Variants in PCNX1 observed in about 807,000 individuals in gnomAD.
The protein encoded by PCNX1 is pecanex-like protein 1.
PCNX1 carries 78 observed loss-of-function variants against 242.2 expected under a neutral mutation model. The observed-to-expected ratio is 0.32, with a 90% CI of 0.27 to 0.39. PCNX1 has a LOEUF of 0.39. PCNX1 is among the 10% of genes least tolerant of loss of function. The pLI is 1.00. For missense variants in PCNX1, 2,581 were observed against 2,856.5 expected (o/e 0.90, Z 2.20); for synonymous variants, 1,024 against 1,032.9 (o/e 0.99, Z 0.17).
intron 1 of PCNX1, among the ~76,000 whole-genome samples, chr14:70,916,871 A>G (rs902029129): frequency 3.3e-5 from 5 of 152,216 alleles, no homozygotes; most frequent in Admixed American, 2.6e-4. Flanking sequence ...TTTTACCCAC[A>G]GTAAAACTTC....
chr14:71,072,989 A>T (rs568925953), intron 26 of PCNX1, among the ~76,000 whole-genome samples: 1 of 152,362 alleles, frequency 6.6e-6, no homozygotes, highest in South Asian at 2.1e-4. Flanking sequence ...TCAAAATTAA[A>T]GTTACTTTAC....
chr14:71,039,474 C>T (rs1224075573), intron 19 of PCNX1, among the ~76,000 whole-genome samples: 2 of 152,166 alleles, frequency 1.3e-5, no homozygotes, highest in African/African-American at 4.8e-5. Flanking sequence ...CTGGTTTCCC[C>T]CAGAGCAAGT....
intron 8 of PCNX1, among the ~76,000 whole-genome samples, chr14:71,007,541 A>G (rs907464297): frequency 1.3e-5 from 2 of 152,170 alleles, no homozygotes; most frequent in African/African-American, 4.8e-5. Flanking sequence ...TTCTGTTCTT[A>G]CTGAGTTTCA....
chr14:71,013,380 T>C (rs1487664030), intron 11 of PCNX1, among the ~76,000 whole-genome samples, 178 bp downstream of exon 11: 1 of 152,198 alleles, frequency 6.6e-6, no homozygotes, highest in Non-Finnish European at 1.5e-5. Context: ...CTTAAATCCA[T>C]TAAAAATGTT....
intron 16 of PCNX1, among the ~76,000 whole-genome samples, 188 bp downstream of exon 16, chr14:71,028,979 T>C (rs2060310759): frequency 6.6e-6 from 1 of 152,114 alleles, no homozygotes; most frequent in Admixed American, 6.5e-5. Flanking sequence ...TAGTTAACCA[T>C]TACTAAAAGA....
intron 7 of PCNX1, among the ~76,000 whole-genome samples, chr14:70,994,396 GATATATATATATAT>G (rs35068772): frequency 0.063 from 6,063 of 96,962 alleles, 584 homozygotes; most frequent in East Asian, 0.33. Flanking sequence ...ACAGGCTTAA[GATATATATATATAT>G]ATATATATAT....
At chr14:70,958,898 C>CTTTTTTT (rs56362741) in intron 2 of PCNX1, among the ~76,000 whole-genome samples, 3 of 66,402 alleles carry the variant, frequency 4.5e-5, no homozygotes, top group Admixed American at 2.4e-4. Flanking sequence ...TTTGGGGTTG[C>CTTTTTTT]TTTTTTTTTT....
At chr14:70,942,963 G>A (rs1046520116) in intron 1 of PCNX1, 1 of 152,472 alleles carries the variant, frequency 6.6e-6, no homozygotes, top group Non-Finnish European at 1.5e-5. Context: ...GTTTTATAAG[G>A]GGCTTCCCCC....
intron 2 of PCNX1, among the ~76,000 whole-genome samples, chr14:70,956,080 A>C (rs1300438565): frequency 2.0e-5 from 3 of 152,078 alleles, no homozygotes; most frequent in African/African-American, 7.2e-5. Context: ...CTAGTGGGTA[A>C]AGGCCAGAGA....
intron 8 of PCNX1, among the ~76,000 whole-genome samples, chr14:71,007,840 A>C (rs894723192): frequency 1.3e-5 from 2 of 152,176 alleles, no homozygotes; most frequent in African/African-American, 4.8e-5. Context: ...CACTTTAAAA[A>C]AACTTTCAGT....
intron 28 of PCNX1, among the ~76,000 whole-genome samples, chr14:71,081,721 T>G (rs566641540): frequency 2.0e-5 from 3 of 152,324 alleles, no homozygotes; most frequent in Non-Finnish European, 4.4e-5. Context: ...ATCCCCTTTA[T>G]CATTTTTACT....
Position 70,962,255 on chromosome 14 carries a change from A to C in PCNX1, c.392A>C (p.Glu131Ala). 1.9e-6 allele frequency: 3 copies of C among 1,612,608 alleles called. No individual in the cohort carries two copies. The highest frequency in any genetic ancestry group is 2.5e-6 in the Non-Finnish European group (3 of 1,178,770). The change falls in exon 3 of 36, where the codon GAG (glutamate) becomes GCG (alanine). Residue 131 changes from glutamate (E) to alanine (A), a missense_variant. Physicochemically the swap from Glu to Ala is moderately radical, Grantham distance 107. Coordinates refer to ENST00000304743, the MANE Select transcript of PCNX1 (RefSeq NM_014982.3). ...CCTGGTGGAGGGATTGAAATGTCTG[A>C]GTTCATCCGAGAGGCCACACCCCCA... ...SDPGGGIEMS[E>A]FIREATPPVG...
chr14:70,946,000 C>T (rs2526856), intron 1 of PCNX1, among the ~76,000 whole-genome samples: 67,770 of 152,054 alleles, frequency 0.45, 16,529 homozygotes, highest in Non-Finnish European at 0.56. Flanking sequence ...TGACTCTAGG[C>T]CTTGCCTTCC....
At chr14:70,952,086 A>G (rs2057804861) in intron 2 of PCNX1, among the ~76,000 whole-genome samples, 1 of 152,214 alleles carries the variant, frequency 6.6e-6, no homozygotes, top group Non-Finnish European at 1.5e-5. Flanking sequence ...TGTCAGAATG[A>G]TGAGGAAAAT....
At chr14:71,083,965 G>T (rs1299634407) in intron 28 of PCNX1, among the ~76,000 whole-genome samples, 2 of 152,164 alleles carry the variant, frequency 1.3e-5, no homozygotes, top group African/African-American at 4.8e-5. Context: ...TTTTGCACTG[G>T]TTTTTCCTCA....
At chr14:71,097,724 G>C (rs565736200) in intron 30 of PCNX1, among the ~76,000 whole-genome samples, 1 of 152,114 alleles carries the variant, frequency 6.6e-6, no homozygotes, top group Non-Finnish European at 1.5e-5. Context: ...CTCCCATCCT[G>C]TAGGTTGTCA....
Position 71,109,797 on chromosome 14 carries a change from G to A in PCNX1, c.6888G>A (p.Val2296=). ...WSPQEGMEGH[V]IHRWVPCSRD... ...CTTGTTTTATTCTGAATCATTAGGTGATTCACCGATGGGTGCCTTGCAGCA... is the reference window on the plus strand; with the variant it reads ...CTTGTTTTATTCTGAATCATTAGGTAATTCACCGATGGGTGCCTTGCAGCA... The change falls in exon 36 of 36, where the codon GTG becomes GTA. Residue 2296 remains valine, a splice_region_variant and synonymous_variant. Coordinates refer to ENST00000304743, the MANE Select transcript of PCNX1 (RefSeq NM_014982.3). The A allele has an allele frequency of 6.2e-7, 1 of 1,613,852 alleles. No homozygotes were observed. Among genetic ancestry groups the A allele is most frequent in the South Asian group, 1.1e-5 (1 of 91,080 alleles).
intron 1 of PCNX1, among the ~76,000 whole-genome samples, chr14:70,921,545 A>G (rs1435680432): frequency 6.6e-6 from 1 of 152,172 alleles, no homozygotes. Flanking sequence ...TAACAAAAAT[A>G]TGCTTTGTTA....
chr14:71,036,115 G>T lies in PCNX1; in HGVS notation c.3825G>T (p.Leu1275=), dbSNP rs142273422. The T allele has an allele frequency of 6.2e-7, 1 of 1,608,604 alleles. No homozygotes were observed. The highest frequency in any genetic ancestry group is 1.3e-5 in the African/African-American group (1 of 74,776). Residue 1275 remains leucine, a synonymous_variant, in exon 19 of 36, where the codon CTG becomes CTT. Coordinates refer to ENST00000304743, the MANE Select transcript of PCNX1 (RefSeq NM_014982.3). ...DLVVCIVIGV[L]YFAIHVSTVF... ...TAGTATGCATTGTAATTGGTGTGCT[G>T]TATTTTGCTATTCATGTAAGCACAG...
Sources: gnomAD v4.1 joint callset for allele counts (sites outside exome capture counted in the v4.1 genomes callset) on GRCh38, gnomAD v4.1.1 for gene constraint, MANE v1.5 for transcripts, NCBI Gene and HGNC (gene_info 2026-07-23, HGNC 2026-07-21) for gene names.